Variants in IGFBP2 observed in about 807,000 individuals in gnomAD.
The protein encoded by IGFBP2 is insulin like growth factor binding protein 2.
In IGFBP2, 12 loss-of-function variants were observed where a neutral mutation model predicts 26.2. That is an observed-to-expected ratio of 0.46 (90% CI 0.29 to 0.74). The LOEUF (loss-of-function observed/expected upper bound fraction) is 0.74, where lower values mean the gene tolerates loss of function less well. IGFBP2 is among the 30% of genes least tolerant of loss of function. IGFBP2 has a pLI of 0.09. For missense variants in IGFBP2, 328 were observed against 441.2 expected (o/e 0.74, Z 2.30); for synonymous variants, 189 against 200.6 (o/e 0.94, Z 0.49).
chr2:216,650,785 C>G (rs925234408), intron 1 of IGFBP2, among the ~76,000 whole-genome samples: 12 of 152,130 alleles, frequency 7.9e-5, no homozygotes, highest in Admixed American at 7.9e-4. Flanking sequence ...ACAAAGGAAA[C>G]TGGGAGAGGA....
chr2:216,648,995 G>A (rs974169460), intron 1 of IGFBP2, among the ~76,000 whole-genome samples: 7 of 152,140 alleles, frequency 4.6e-5, no homozygotes, highest in African/African-American at 9.7e-5. Flanking sequence ...ACCCAGAACC[G>A]TGGGCGGTTG....
At chr2:216,634,496 G>A (rs569204249) in intron 1 of IGFBP2, among the ~76,000 whole-genome samples, 1 of 152,238 alleles carries the variant, frequency 6.6e-6, no homozygotes, top group South Asian at 2.1e-4. Context: ...GAAAGGACTT[G>A]GTACTTTGTA....
At chr2:216,659,159 A>G (rs1016917217) in intron 1 of IGFBP2, among the ~76,000 whole-genome samples, 1 of 152,096 alleles carries the variant, frequency 6.6e-6, no homozygotes, top group Non-Finnish European at 1.5e-5. Flanking sequence ...CCCCCATCAA[A>G]TGTTCCGTAT....
intron 1 of IGFBP2, among the ~76,000 whole-genome samples, chr2:216,645,770 G>A (rs1697700316): frequency 6.6e-6 from 1 of 152,162 alleles, no homozygotes; most frequent in South Asian, 2.1e-4. Context: ...ACTTTGCTTT[G>A]GAAAGCCTCC....
At chr2:216,651,576 T>C (rs1291642814) in intron 1 of IGFBP2, among the ~76,000 whole-genome samples, 1 of 152,232 alleles carries the variant, frequency 6.6e-6, no homozygotes, top group African/African-American at 2.4e-5. Flanking sequence ...TTTAGCAATG[T>C]ATAAAATTTG....
At position 216,652,365 on chromosome 2, in the gene IGFBP2, G is replaced by A. The variant is rs191346036; in HGVS notation, c.443-8192G>A. Among the ~76,000 whole-genome samples, 444 of 152,008 alleles carry A rather than the reference G, an allele frequency of 2.9e-3. 4 individuals carry two copies. The highest frequency in any genetic ancestry group is 0.01 in the African/African-American group (425 of 41,484). The stretch of plus-strand genomic sequence containing the variant: ...ATTTTTATGTATTTTTAGTAGAGAC[G>A]GTGTTACTCCATGTTGGTCAGACTG... On this transcript the variant is annotated intron_variant, in intron 1 of 3. Coordinates refer to ENST00000233809, the MANE Select transcript of IGFBP2 (RefSeq NM_000597.3).
chr2:216,662,084 G>C, intron 3 of IGFBP2, 86 bp downstream of exon 3: 1 of 1,463,050 alleles, frequency 6.8e-7, no homozygotes, highest in Middle Eastern at 1.9e-4. Flanking sequence ...ACCCGCCTAT[G>C]ATCCTCTGAG....
chr2:216,659,844 C>G (rs1238036479), intron 1 of IGFBP2: 1 of 966,962 alleles, frequency 1.0e-6, no homozygotes, highest in Non-Finnish European at 1.6e-6. Flanking sequence ...GACTTGGGAA[C>G]GAGGGAATGT....
At chr2:216,635,280 C>T (rs556010997) in intron 1 of IGFBP2, among the ~76,000 whole-genome samples, 1 of 152,228 alleles carries the variant, frequency 6.6e-6, no homozygotes, top group South Asian at 2.1e-4. Context: ...CTCTCAGTCC[C>T]TTTCTTCTCC....
chr2:216,656,751 ACTGT>A (rs1697930529), intron 1 of IGFBP2, among the ~76,000 whole-genome samples: 1 of 152,086 alleles, frequency 6.6e-6, no homozygotes, highest in Non-Finnish European at 1.5e-5. Context: ...CATAATAGAG[ACTGT>A]CTGCCTTCAC....
chr2:216,642,892 C>A (rs377269100), intron 1 of IGFBP2, among the ~76,000 whole-genome samples: 10 of 152,296 alleles, frequency 6.6e-5, no homozygotes, highest in African/African-American at 2.4e-4. Context: ...TCTGGAGAAT[C>A]CCTGAGGCTA....
chr2:216,638,706 CT>C (rs34241189), intron 1 of IGFBP2, among the ~76,000 whole-genome samples: 38 of 145,650 alleles, frequency 2.6e-4, no homozygotes, highest in Admixed American at 4.8e-4. Context: ...TGTTCAATTT[CT>C]TTTTTTTTTT....
At chr2:216,656,199 C>T (rs953019065) in intron 1 of IGFBP2, among the ~76,000 whole-genome samples, 5 of 152,180 alleles carry the variant, frequency 3.3e-5, no homozygotes, top group South Asian at 2.1e-4. Context: ...ACCTCTGGGA[C>T]GCAGCCAAGG....
chr2:216,659,737 A>T, intron 1 of IGFBP2: 4 of 1,535,588 alleles, frequency 2.6e-6, no homozygotes, highest in Non-Finnish European at 3.5e-6. Context: ...ACGAAGCTTC[A>T]TGCCCTGCAG....
At chr2:216,663,698 C>T (rs913728613) in intron 3 of IGFBP2, 25 of 431,626 alleles carry the variant, frequency 5.8e-5, no homozygotes, top group Non-Finnish European at 9.2e-5. Flanking sequence ...GGTCCCTGGG[C>T]GGGCAGCATC....
At chr2:216,660,184 T>G (rs1574567738) in intron 1 of IGFBP2, among the ~76,000 whole-genome samples, 1 of 152,166 alleles carries the variant, frequency 6.6e-6, no homozygotes, top group East Asian at 1.9e-4. Flanking sequence ...CATCCCTCTG[T>G]GTGCCTCTGT....
At chr2:216,662,802 C>T (rs1688683287) in intron 3 of IGFBP2, 1 of 152,138 alleles carries the variant, frequency 6.6e-6, no homozygotes, top group Non-Finnish European at 1.5e-5. Flanking sequence ...GCCTCAGCCT[C>T]CTGAGTAGCT....
Position 216,660,560 on chromosome 2 carries a change from A to G in IGFBP2, c.446A>G (p.Asn149Ser), listed in dbSNP as rs1316519029. 1.3e-6 allele frequency: 2 copies of G among 1,598,256 alleles called. No homozygotes were observed. The highest frequency in any genetic ancestry group is 1.7e-6 in the Non-Finnish European group (2 of 1,170,756). Residue 149 changes from asparagine (N) to serine (S), a missense_variant, in exon 2 of 4, where the codon AAT (asparagine) becomes AGT (serine). Coordinates refer to ENST00000233809, the MANE Select transcript of IGFBP2 (RefSeq NM_000597.3). ...YGASPEQVAD[N>S]GDDHSEGGLV... is the part of the protein sequence containing the mutation. ...TCTTCCCTTCCTCTCTTGGCAGACA[A>G]TGGCGATGACCACTCAGAAGGAGGC... is the stretch of plus-strand genomic sequence containing the variant.
intron 1 of IGFBP2, among the ~76,000 whole-genome samples, chr2:216,637,026 T>C (rs2106187405): frequency 6.6e-6 from 1 of 151,622 alleles, no homozygotes; most frequent in East Asian, 2.0e-4. Context: ...TTTACAGTGG[T>C]TCAGTGCAGC....
Sources: allele counts gnomAD v4.1 joint callset (sites outside exome capture counted in the v4.1 genomes callset), GRCh38; gene constraint gnomAD v4.1.1; transcripts MANE v1.5; gene names NCBI Gene and HGNC (gene_info 2026-07-23, HGNC 2026-07-21).